The following DDX60L variants were observed in gnomAD, a reference collection of about 807,000 sequenced individuals.
DDX60L encodes the protein probable ATP-dependent RNA helicase DDX60-like.
Under a neutral mutation model 211.6 loss-of-function variants are expected in DDX60L, and 191 were observed. The ratio of observed to expected loss-of-function variants is 0.90; its 90% confidence interval spans 0.80 to 1.02. The LOEUF is 1.02. Ranked by LOEUF, DDX60L falls within the 50% of genes least tolerant of loss-of-function variation. The pLI, the probability that DDX60L is intolerant of heterozygous loss-of-function variation, is 0.00. For missense variants in DDX60L, 2,007 were observed against 1,984.1 expected (o/e 1.01, Z -0.22); for synonymous variants, 706 against 694.1 (o/e 1.02, Z -0.27).
At chr4:168,427,763 A>C (rs1178681489) in intron 13 of DDX60L, among the ~76,000 whole-genome samples, 2 of 152,210 alleles carry the variant, frequency 1.3e-5, no homozygotes, top group African/African-American at 2.4e-5. Flanking sequence ...CAACGGTCTA[A>C]GCAGACATTA....
At chr4:168,452,012 C>T (rs1035582945) in intron 8 of DDX60L, among the ~76,000 whole-genome samples, 1 of 152,162 alleles carries the variant, frequency 6.6e-6, no homozygotes, top group Admixed American at 6.5e-5. Flanking sequence ...CTTCATTAGT[C>T]CCTCCTTCAT....
At position 168,361,790 on chromosome 4, in the gene DDX60L, G is replaced by A. The variant is rs530185008; in HGVS notation, c.4929-579C>T. On this transcript the variant is annotated intron_variant, in intron 36 of 37. Coordinates refer to ENST00000682922, the MANE Select transcript of DDX60L (RefSeq NM_001012967.3). ...TGCCAGCAGTTCTTGCTACAAGAGA[G>A]TCTCCCAGTCCTCACAGGCCCAGAA... Among the ~76,000 whole-genome samples the A allele has an allele frequency of 2.6e-5, 4 of 152,310 alleles. No individual in the cohort carries two copies. The East Asian group carries it at 5.8e-4, about 22-fold the overall frequency.
intron 12 of DDX60L, 28 bp from the exon 13 acceptor site, chr4:168,430,666 C>T (rs759445352): frequency 2.9e-5 from 42 of 1,465,732 alleles, no homozygotes; most frequent in Non-Finnish European, 3.8e-5. Flanking sequence ...AAAATGTAAA[C>T]ATGTATTTTA....
chr4:168,386,217 C>T (rs1388667895), intron 29 of DDX60L, among the ~76,000 whole-genome samples: 8 of 152,060 alleles, frequency 5.3e-5, no homozygotes, highest in African/African-American at 9.7e-5. Flanking sequence ...CGGCTGGAAG[C>T]GGGGAATTCC....
intron 29 of DDX60L, chr4:168,390,433 G>C (rs1323555835): frequency 2.3e-6 from 3 of 1,317,146 alleles, no homozygotes; most frequent in Non-Finnish European, 2.9e-6. Flanking sequence ...TTTTAAAGTT[G>C]AAACAGCAAC....
chr4:168,375,251 G>T, intron 34 of DDX60L, 126 bp downstream of exon 34: 1 of 926,138 alleles, frequency 1.1e-6, no homozygotes. Flanking sequence ...TAAAACACTT[G>T]GGTTAGTACA....
At chr4:168,419,939 G>A (rs543302978) in intron 18 of DDX60L, among the ~76,000 whole-genome samples, 32 of 152,252 alleles carry the variant, frequency 2.1e-4, no homozygotes, top group African/African-American at 7.2e-4. Context: ...AATTTTGAAT[G>A]GAAAGACAAG....
At chr4:168,446,270 C>G (rs1374362910) in intron 9 of DDX60L, among the ~76,000 whole-genome samples, 1 of 152,080 alleles carries the variant, frequency 6.6e-6, no homozygotes, top group African/African-American at 2.4e-5. Context: ...TGAGTGAACT[C>G]CCATTCACAA....
chr4:168,416,874 G>A (rs1307818508), intron 19 of DDX60L, 77 bp from the exon 20 acceptor site: 4 of 774,286 alleles, frequency 5.2e-6, no homozygotes, highest in African/African-American at 3.5e-5. Context: ...AAATCATCAT[G>A]CATATTTTTC....
chr4:168,474,898 T>C (rs184237870), intron 1 of DDX60L, among the ~76,000 whole-genome samples: 1 of 152,148 alleles, frequency 6.6e-6, no homozygotes, highest in Admixed American at 6.5e-5. Context: ...AATCCCTGGA[T>C]TAAAAAGGTT....
intron 37 of DDX60L, among the ~76,000 whole-genome samples, chr4:168,360,926 T>C (rs1437286643): frequency 6.6e-6 from 1 of 152,238 alleles, no homozygotes; most frequent in African/African-American, 2.4e-5. Flanking sequence ...CAATTACAAA[T>C]GGATTTGAGA....
At chr4:168,439,421 G>T (rs182224521) in intron 10 of DDX60L, among the ~76,000 whole-genome samples, 1 of 151,994 alleles carries the variant, frequency 6.6e-6, no homozygotes, top group African/African-American at 2.4e-5. Flanking sequence ...TGCAACTTCA[G>T]CTCATGCCCC....
At chr4:168,382,823 C>T (rs1375993855) in intron 30 of DDX60L, among the ~76,000 whole-genome samples, 1 of 152,112 alleles carries the variant, frequency 6.6e-6, no homozygotes, top group Non-Finnish European at 1.5e-5. Context: ...TTAGCAAGTG[C>T]TTTTCCCATT....
intron 14 of DDX60L, among the ~76,000 whole-genome samples, chr4:168,426,765 C>G (rs1561049612): frequency 6.6e-6 from 1 of 152,168 alleles, no homozygotes; most frequent in Non-Finnish European, 1.5e-5. Context: ...TGCTGCTGAG[C>G]CTCACCTTGC....
At chr4:168,421,997 T>C in intron 16 of DDX60L, 88 bp from the exon 17 acceptor site, 1 of 1,532,582 alleles carries the variant, frequency 6.5e-7, no homozygotes, top group African/African-American at 1.4e-5. Flanking sequence ...TTCTGTCTCC[T>C]GTGCCTGTAT....
rs1311080600 is a variant in DDX60L, at chr4:168,398,881, A to G, written c.3491+1945T>C. 4.6e-5 allele frequency among the ~76,000 whole-genome samples: 7 copies of G among 151,622 alleles called. 1 individual carries two copies. Among genetic ancestry groups the G allele is most frequent in the Admixed American group, 3.9e-4 (6 of 15,252 alleles). ...AGGACTCAACAGGGCAACCAACTGC[A>G]AAGAGGAGTGACCCACTCCAGGGTC... On this transcript the variant is annotated intron_variant, in intron 26 of 37. Transcript: ENST00000682922.
At chr4:168,460,487 T>C (rs1757175940) in intron 5 of DDX60L, among the ~76,000 whole-genome samples, 1 of 152,164 alleles carries the variant, frequency 6.6e-6, no homozygotes, top group Non-Finnish European at 1.5e-5. Flanking sequence ...TTAAATGCAT[T>C]TCTTGCTTTC....
chr4:168,396,199 C>A (rs1336837608), intron 26 of DDX60L, 75 bp from the exon 27 acceptor site: 4 of 887,020 alleles, frequency 4.5e-6, no homozygotes, highest in Middle Eastern at 3.6e-4. Context: ...GCCTAAGGCC[C>A]CACAGATTTC....
At chr4:168,398,338 A>G (rs1056122733) in intron 26 of DDX60L, among the ~76,000 whole-genome samples, 1 of 152,206 alleles carries the variant, frequency 6.6e-6, no homozygotes, top group African/African-American at 2.4e-5. Flanking sequence ...CGCTCAGGAC[A>G]GCGCTGACAT....
Sources: gnomAD v4.1 joint callset for allele counts (sites outside exome capture counted in the v4.1 genomes callset) on GRCh38, gnomAD v4.1.1 for gene constraint, MANE v1.5 for transcripts, NCBI Gene and HGNC (gene_info 2026-07-23, HGNC 2026-07-21) for gene names.